IL1RAPL1: variants seen among roughly 807,000 people sequenced by gnomAD.
IL1RAPL1 encodes interleukin 1 receptor accessory protein like 1.
IL1RAPL1 carries 3 observed loss-of-function variants against 48.4 expected under a neutral mutation model. The observed-to-expected ratio is 0.06, with a 90% CI of 0.03 to 0.16. The LOEUF is 0.16. Ranked by LOEUF, IL1RAPL1 falls within the 10% of genes least tolerant of loss-of-function variation. The probability of loss-of-function intolerance (pLI) is 1.00; values close to 1 mark genes in which losing one functional copy is unlikely to be tolerated. For missense variants in IL1RAPL1, 349 were observed against 530.6 expected, an observed-to-expected ratio of 0.66 and a Z score of 3.36; for synonymous variants, 185 against 187.7, an observed-to-expected ratio of 0.99 and a Z score of 0.12.
At chrX:28,935,243 T>C (rs1399789143) in intron 2 of IL1RAPL1, among the ~76,000 whole-genome samples, 1 of 111,498 alleles carries the variant, frequency 9.0e-6, no homozygotes, top group Non-Finnish European at 1.9e-5. Context: ...GGTTTTGCTA[T>C]AGTTATAGCC....
intron 2 of IL1RAPL1, among the ~76,000 whole-genome samples, chrX:28,847,053 T>C (rs952150662): frequency 5.4e-5 from 6 of 111,813 alleles, no homozygotes; most frequent in Non-Finnish European, 9.4e-5. Context: ...TCTAAATGGG[T>C]ATGTCACACT....
At chrX:29,831,847 G>A (rs1005891115) in intron 6 of IL1RAPL1, among the ~76,000 whole-genome samples, 1 of 111,112 alleles carries the variant, frequency 9.0e-6, no homozygotes, top group African/African-American at 3.3e-5. Flanking sequence ...TCAGCCTCTA[G>A]GGCCATTATG....
At chrX:29,047,390 G>A in intron 2 of IL1RAPL1, among the ~76,000 whole-genome samples, 1 of 111,781 alleles carries the variant, frequency 8.9e-6, no homozygotes, top group African/African-American at 3.3e-5. Context: ...TGTACTTATG[G>A]CTGAAAATGC....
intron 7 of IL1RAPL1, among the ~76,000 whole-genome samples, chrX:29,918,283 G>C (rs1460511913): frequency 2.1e-5 from 2 of 93,797 alleles, no homozygotes; most frequent in Non-Finnish European, 4.2e-5. Flanking sequence ...GAGGTGGGCG[G>C]ATCACCTGAG....
At chrX:29,679,558 G>T (rs766212505) in intron 6 of IL1RAPL1, among the ~76,000 whole-genome samples, 1 of 111,596 alleles carries the variant, frequency 9.0e-6, no homozygotes, top group South Asian at 3.7e-4. Context: ...ACTTAAACAA[G>T]ATATTGTTCT....
At chrX:28,782,784 T>C (rs1394795021) in intron 1 of IL1RAPL1, among the ~76,000 whole-genome samples, 2 of 111,826 alleles carry the variant, frequency 1.8e-5, no homozygotes, top group African/African-American at 6.5e-5. Flanking sequence ...TTTTCTTCTG[T>C]TTAATGAATT....
intron 2 of IL1RAPL1, among the ~76,000 whole-genome samples, chrX:28,832,047 T>G (rs1921072842): frequency 9.0e-6 from 1 of 111,357 alleles, no homozygotes; most frequent in Admixed American, 9.6e-5. Context: ...CAAGGTGTAA[T>G]GATCGTCAGC....
chrX:29,092,608 CATA>C (rs1326202634), intron 2 of IL1RAPL1, among the ~76,000 whole-genome samples: 24 of 111,403 alleles, frequency 2.2e-4, no homozygotes, highest in African/African-American at 7.2e-4. Flanking sequence ...AAAAATTGAT[CATA>C]ATACTACTGT....
rs188692371 is a variant in IL1RAPL1 at position 29,433,778 on chromosome X, G to A, written c.703+34470G>A. Among the ~76,000 whole-genome samples the A allele has an allele frequency of 1.5e-4, 16 of 110,119 alleles. No homozygotes were observed. In the East Asian group the frequency reaches 3.4e-3, roughly 23 times the overall value. On this transcript the variant is annotated intron_variant, in intron 5 of 10. Coordinates refer to ENST00000378993, the MANE Select transcript of IL1RAPL1 (RefSeq NM_014271.4). ...ATTGAGTTTTTAAGTAAGCATATTG[G>A]CTATTTGCATATTTAAAGATTTCCC...
chrX:29,585,062 A>G (rs1923111808), intron 5 of IL1RAPL1, among the ~76,000 whole-genome samples: 1 of 112,071 alleles, frequency 8.9e-6, no homozygotes, highest in Admixed American at 9.5e-5. Context: ...TGTTGAGAAC[A>G]CTTAACATGA....
intron 3 of IL1RAPL1, among the ~76,000 whole-genome samples, chrX:29,347,554 A>AT (rs199741521): frequency 9.6e-6 from 1 of 104,150 alleles, no homozygotes; most frequent in African/African-American, 3.5e-5. Flanking sequence ...ACACCCAGCT[A>AT]TTTTTAAAAT....
intron 3 of IL1RAPL1, among the ~76,000 whole-genome samples, chrX:29,326,290 A>C (rs1932842129): frequency 8.9e-6 from 1 of 112,366 alleles, no homozygotes; most frequent in African/African-American, 3.2e-5. Context: ...GTACTTGTAC[A>C]ACCTGAGGTC....
intron 6 of IL1RAPL1, among the ~76,000 whole-genome samples, chrX:29,672,053 T>C (rs1926155983): frequency 8.9e-6 from 1 of 112,023 alleles, no homozygotes; most frequent in Admixed American, 9.5e-5. Flanking sequence ...TCTGCTCCTA[T>C]TAAATATTCT....
chrX:29,448,599 G>C (rs948856667), intron 5 of IL1RAPL1, among the ~76,000 whole-genome samples: 3 of 112,155 alleles, frequency 2.7e-5, no homozygotes, highest in Admixed American at 1.9e-4. Flanking sequence ...CGCAATGGGT[G>C]GTTGAGGAAT....
chrX:28,820,003 T>C (rs1159580777), intron 2 of IL1RAPL1, among the ~76,000 whole-genome samples: 1 of 85,807 alleles, frequency 1.2e-5, no homozygotes, highest in African/African-American at 4.3e-5. Flanking sequence ...TATATATATA[T>C]ATATATATAT....
chrX:29,099,926 G>A (rs1043615952), intron 2 of IL1RAPL1, among the ~76,000 whole-genome samples: 2 of 111,146 alleles, frequency 1.8e-5, no homozygotes, highest in African/African-American at 6.5e-5. Context: ...TCAGTATTAT[G>A]TATTAGGCCG....
chrX:28,713,239 G>A (rs949381935), intron 1 of IL1RAPL1, among the ~76,000 whole-genome samples: 5 of 109,771 alleles, frequency 4.6e-5, no homozygotes, highest in African/African-American at 1.7e-4. Flanking sequence ...TGTATTTTCA[G>A]TAGAGACGGG....
At chrX:29,196,836 G>T (rs1338954274) in intron 2 of IL1RAPL1, among the ~76,000 whole-genome samples, 2 of 109,782 alleles carry the variant, frequency 1.8e-5, no homozygotes, top group Non-Finnish European at 1.9e-5. Flanking sequence ...ATGCTGCATG[G>T]TATTACACTA....
At chrX:28,842,920 T>C (rs1921411334) in intron 2 of IL1RAPL1, among the ~76,000 whole-genome samples, 1 of 111,129 alleles carries the variant, frequency 9.0e-6, no homozygotes, top group Non-Finnish European at 1.9e-5. Flanking sequence ...CCTCTCAAGA[T>C]CAATTCTGAA....
Sources: allele counts gnomAD v4.1 joint callset (sites outside exome capture counted in the v4.1 genomes callset), GRCh38; gene constraint gnomAD v4.1.1; transcripts MANE v1.5; gene names NCBI Gene and HGNC (gene_info 2026-07-23, HGNC 2026-07-21).